The following RIOK3 variants were observed in gnomAD, a reference collection of about 807,000 sequenced individuals.
RIOK3 encodes RIO kinase 3, also known as serine/threonine-protein kinase RIO3.
RIOK3 carries 40 observed loss-of-function variants against 63.5 expected under a neutral mutation model. The ratio of observed to expected loss-of-function variants is 0.63; its 90% CI spans 0.49 to 0.82. The LOEUF (loss-of-function observed/expected upper bound fraction) is 0.82. Ranked by LOEUF, RIOK3 falls within the 40% of genes least tolerant of loss-of-function variation. RIOK3 has a pLI of 0.00. For synonymous variants in RIOK3, 193 were observed against 205.0 expected (o/e 0.94, Z 0.50); for missense variants, 557 against 637.0 (o/e 0.87, Z 1.35).
rs550222680 is a variant in RIOK3, at chr18:23,455,228, C to T, written c.63+1726C>T. Among the ~76,000 whole-genome samples the T allele has an allele frequency of 2.3e-4, 35 of 151,934 alleles. 1 individual carries two copies. Among genetic ancestry groups the T allele is most frequent in the African/African-American group, 8.4e-4 (35 of 41,442 alleles). Reference sequence around the variant, plus strand: ...CTGGGATTACAGGCGCCTGCCACCACGCCCAGCTGATTTTCGTATTTTTTT... The same window carrying T: ...CTGGGATTACAGGCGCCTGCCACCATGCCCAGCTGATTTTCGTATTTTTTT... On this transcript the variant is annotated intron_variant, in intron 1 of 12. Transcript: ENST00000339486.
At chr18:23,455,461 C>A (rs375070477) in intron 1 of RIOK3, among the ~76,000 whole-genome samples, 2 of 150,446 alleles carry the variant, frequency 1.3e-5, no homozygotes, top group African/African-American at 4.9e-5. Context: ...GGCGCGATCT[C>A]GGCTCACTGC....
In RIOK3 at chr18:23,473,384, T is replaced by A. The variant is rs112255281; in HGVS notation, c.816-45T>A. On this transcript the variant is annotated intron_variant, in intron 7 of 12. Coordinates refer to ENST00000339486, the MANE Select transcript of RIOK3 (RefSeq NM_003831.5). The stretch of plus-strand genomic sequence containing the variant: ...CTTTATTTTGAAATTGTTGTACTTG[T>A]GAGCTGGCAACTTGTACTGACTTGA... 1.9e-4 allele frequency: 224 copies of A among 1,183,452 alleles called. 1 individual carries two copies. Among genetic ancestry groups the A allele is most frequent in the Non-Finnish European group, 2.0e-5 (16 of 818,678 alleles). 73.3% of individuals were successfully genotyped at this position (1,183,452 alleles called of 1,614,324 possible). A position where few individuals can be genotyped will look rare whatever the true frequency, so the allele number is the denominator to read the frequency against.
intron 7 of RIOK3, among the ~76,000 whole-genome samples, chr18:23,469,280 A>C (rs2057431333): frequency 7.3e-6 from 1 of 137,188 alleles, no homozygotes; most frequent in Admixed American, 7.6e-5. Context: ...TGCTTTCCAC[A>C]AAGCTCTGGT....
At chr18:23,453,649 G>C in intron 1 of RIOK3, 147 bp downstream of exon 1, 1 of 713,870 alleles carries the variant, frequency 1.4e-6, no homozygotes, top group Non-Finnish European at 2.5e-6. Context: ...GGCCGCGGGG[G>C]TGCCGGGATG....
chr18:23,468,378 C>T (rs549771451), intron 7 of RIOK3, among the ~76,000 whole-genome samples: 2 of 137,134 alleles, frequency 1.5e-5, no homozygotes, highest in Non-Finnish European at 3.0e-5. Context: ...TCTCAGCTCA[C>T]TGCAACCTCC....
intron 1 of RIOK3, among the ~76,000 whole-genome samples, chr18:23,457,655 A>T (rs6507685): frequency 0.16 from 23,921 of 152,100 alleles, 3,009 homozygotes; most frequent in East Asian, 0.34. Flanking sequence ...TAAAAGTAAG[A>T]CTATTCTAAA....
chr18:23,468,578 C>T (rs567987968), intron 7 of RIOK3, among the ~76,000 whole-genome samples: 14 of 152,120 alleles, frequency 9.2e-5, no homozygotes, highest in Non-Finnish European at 1.6e-4. Flanking sequence ...GCCAAGATTA[C>T]AGGCGTGAGC....
At chr18:23,481,071 C>G (rs1057376728) in intron 12 of RIOK3, 101 bp from the exon 13 acceptor site, 26 of 779,792 alleles carry the variant, frequency 3.3e-5, no homozygotes, top group Non-Finnish European at 5.3e-5. Flanking sequence ...CAGAGTGAGA[C>G]TCCATCTCAA....
intron 12 of RIOK3, among the ~76,000 whole-genome samples, chr18:23,480,303 C>T (rs1321497426): frequency 6.6e-6 from 1 of 152,090 alleles, no homozygotes; most frequent in Non-Finnish European, 1.5e-5. Flanking sequence ...TAGCCTAAGG[C>T]TAGAGAGAAA....
intron 1 of RIOK3, among the ~76,000 whole-genome samples, chr18:23,461,969 A>G (rs2057374274): frequency 6.6e-6 from 1 of 151,336 alleles, no homozygotes; most frequent in South Asian, 2.1e-4. Flanking sequence ...TTATGCCTAT[A>G]ATCCCAGCTA....
chr18:23,474,602 A>G (rs1443317794), intron 8 of RIOK3, among the ~76,000 whole-genome samples: 1 of 152,092 alleles, frequency 6.6e-6, no homozygotes, highest in Non-Finnish European at 1.5e-5. Flanking sequence ...CCCCAAATGG[A>G]CTGTGCTCTT....
At chr18:23,473,776 A>G (rs2057472044) in intron 8 of RIOK3, 150 bp downstream of exon 8, 2 of 622,946 alleles carry the variant, frequency 3.2e-6, no homozygotes, top group Non-Finnish European at 5.3e-6. Flanking sequence ...TGAAAAAGCC[A>G]TTTTCTTTTT....
rs2057533087 is a variant in RIOK3 at position 23,481,329 on chromosome 18, C to T, written c.*50C>T. On this transcript the variant is annotated 3_prime_UTR_variant, in exon 13 of 13. Coordinates refer to ENST00000339486, the MANE Select transcript of RIOK3 (RefSeq NM_003831.5). Reference sequence around the variant, plus strand: ...TAACACAGCAGTGATTGTCAGCTGCCAATAGCAAATGAAGTTATGGGTGAC... The same window carrying T: ...TAACACAGCAGTGATTGTCAGCTGCTAATAGCAAATGAAGTTATGGGTGAC... 1.7e-6 allele frequency: 2 copies of T among 1,157,364 alleles called. No homozygotes were observed. The highest frequency in any genetic ancestry group is 1.2e-6 in the Non-Finnish European group (1 of 812,172). The allele number at this position is 1,157,364 out of a possible 1,614,324, so 71.7% of individuals were successfully genotyped here.
rs1657931730 is a variant in RIOK3, at chr18:23,475,055, A to G, written c.1121A>G (p.Glu374Gly). The change falls in exon 9 of 13, where the codon GAA becomes GGA. Residue 374 changes from glutamate (E) to glycine (G), a missense_variant. This residue lies in a region of RIOK3 where 309 missense variants were observed against 338.7 expected (regional missense o/e 0.91). Transcript: ENST00000339486. ...HDQVPAPKLK[E>G]VKLNSEEMKE... is the part of the protein sequence containing the mutation. ...CAAGTTCCAGCCCCTAAATTAAAAGAAGTAAAGCTCAATAGTGAAGAAATG... is the reference window on the plus strand; with the variant it reads ...CAAGTTCCAGCCCCTAAATTAAAAGGAGTAAAGCTCAATAGTGAAGAAATG... The G allele has an allele frequency of 2.5e-6, 4 of 1,613,688 alleles. No homozygotes were observed. The highest frequency in any genetic ancestry group is 3.4e-6 in the Non-Finnish European group (4 of 1,179,640).
At chr18:23,475,595 C>G (rs1017872092) in intron 9 of RIOK3, among the ~76,000 whole-genome samples, 1 of 151,842 alleles carries the variant, frequency 6.6e-6, no homozygotes, top group Non-Finnish European at 1.5e-5. Flanking sequence ...TGCCACTGCA[C>G]CCCAGCCTGG....
chr18:23,457,752 T>C (rs45617431), intron 1 of RIOK3, among the ~76,000 whole-genome samples: 2,100 of 152,300 alleles, frequency 0.014, 24 homozygotes, highest in Non-Finnish European at 0.019. Flanking sequence ...GTTGAAAAAT[T>C]ACTTACTTAA....
chr18:23,480,551 GCACGCA>G (rs908549456), intron 12 of RIOK3, among the ~76,000 whole-genome samples: 2 of 46,846 alleles, frequency 4.3e-5, no homozygotes, highest in African/African-American at 1.6e-4. Flanking sequence ...ATACTTGGAT[GCACGCA>G]CACACACACA....
chr18:23,466,689 T>TA (rs33997769), intron 6 of RIOK3, among the ~76,000 whole-genome samples: 41,625 of 102,614 alleles, frequency 0.41, 9,130 homozygotes, highest in Non-Finnish European at 0.5. Flanking sequence ...GACCCTGCCT[T>TA]AAAAAAAAAA....
Position 23,453,368 on chromosome 18 carries a change from G to C in RIOK3, c.-72G>C, listed in dbSNP as rs2057315732. ...GCAGCCAGTCGCCCGTGTCCCGCCT[G>C]TCTCCTCGGCGGAGCCTGCTGCCCG... On this transcript the variant is annotated 5_prime_UTR_variant, in exon 1 of 13. Transcript: ENST00000339486. 1.6e-6 allele frequency: 2 copies of C among 1,275,380 alleles called. No homozygotes were observed. Among genetic ancestry groups the C allele is most frequent in the Non-Finnish European group, 2.3e-6 (2 of 875,602 alleles). The allele number at this position is 1,275,380 out of a possible 1,614,324, so 79.0% of individuals were successfully genotyped here. A position where few individuals can be genotyped will look rare whatever the true frequency, so the allele number is the denominator to read the frequency against.
Sources: allele counts gnomAD v4.1 joint callset (sites outside exome capture counted in the v4.1 genomes callset), GRCh38; gene constraint gnomAD v4.1.1; regional missense constraint gnomAD v4.1.1; transcripts MANE v1.5; gene names NCBI Gene and HGNC (gene_info 2026-07-23, HGNC 2026-07-21).